Variants in IL17RD observed in about 807,000 individuals in gnomAD.
IL17RD encodes interleukin 17 receptor D.
Under a neutral mutation model 80.5 loss-of-function variants are expected in IL17RD, and 52 were observed. The ratio of observed to expected loss-of-function variants is 0.65; its 90% confidence interval spans 0.52 to 0.81. The LOEUF is 0.81. IL17RD is among the 40% of genes least tolerant of loss of function. The pLI, the probability that IL17RD is intolerant of heterozygous loss-of-function variation, is 0.00. For missense variants in IL17RD, 1,024 were observed against 955.1 expected (o/e 1.07, Z -0.95); for synonymous variants, 416 against 391.8 (o/e 1.06, Z -0.73).
At chr3:57,104,293 A>T in intron 8 of IL17RD, 49 bp downstream of exon 8, 1 of 1,270,350 alleles carries the variant, frequency 7.9e-7, no homozygotes, top group Non-Finnish European at 1.1e-6. Flanking sequence ...TTCTATATGA[A>T]CTGGGTTCAT....
At chr3:57,148,168 T>C (rs944550599) in intron 1 of IL17RD, among the ~76,000 whole-genome samples, 7 of 121,396 alleles carry the variant, frequency 5.8e-5, no homozygotes, top group Admixed American at 1.0e-4. Context: ...TCTCTACTAA[T>C]ACAAAAATTA....
In IL17RD at chr3:57,105,536, C is replaced by CAAAAAAAAAAAAAAAAA. The variant is rs745910085; in HGVS notation, c.747+304_747+320dup. On this transcript the variant is annotated intron_variant, in intron 7 of 12. Coordinates refer to ENST00000296318, the MANE Select transcript of IL17RD (RefSeq NM_017563.5). ...TGGGCAACAGAGCAAGACTCCATCT[C>CAAAAAAAAAAAAAAAAA]AAAAAAAAAAAAAAAAATATATATA... is the stretch of plus-strand genomic sequence containing the variant. 3.1e-4 allele frequency among the ~76,000 whole-genome samples: 11 copies of CAAAAAAAAAAAAAAAAA among 35,604 alleles called. 1 individual carries two copies. The highest frequency in any genetic ancestry group is 3.5e-4 in the Non-Finnish European group (6 of 16,930). The allele number at this position is 35,604 out of a possible 152,430, so 23.4% of individuals were successfully genotyped here.
intron 1 of IL17RD, chr3:57,150,385 T>C (rs761916519): frequency 6.6e-6 from 1 of 152,288 alleles, no homozygotes; most frequent in African/African-American, 2.4e-5. Context: ...GCTGGGGGCA[T>C]GGGCAGGGTA....
At chr3:57,163,809 T>TG (rs2060325212) in intron 1 of IL17RD, among the ~76,000 whole-genome samples, 1 of 10,936 alleles carries the variant, frequency 9.1e-5, no homozygotes, top group Non-Finnish European at 2.2e-4. Context: ...GGGAAGGGGG[T>TG]GGCGGGGGCG....
intron 1 of IL17RD, among the ~76,000 whole-genome samples, chr3:57,132,589 T>C (rs1707634831): frequency 6.6e-6 from 1 of 152,228 alleles, no homozygotes. Flanking sequence ...ATAGGCAGTA[T>C]TTGTTACAAC....
At chr3:57,160,308 A>G (rs2060295036) in intron 1 of IL17RD, among the ~76,000 whole-genome samples, 1 of 149,470 alleles carries the variant, frequency 6.7e-6, no homozygotes, top group Non-Finnish European at 1.5e-5. Context: ...AAAGCTTTAA[A>G]AAAGAAAAAA....
rs555771356 is a variant in IL17RD, at chr3:57,147,573, G to A, written c.126+17588C>T. Among the ~76,000 whole-genome samples the A allele has an allele frequency of 3.3e-5, 5 of 152,282 alleles. No homozygotes were observed. In the South Asian group the frequency reaches 8.3e-4, roughly 25 times the overall value. On this transcript the variant is annotated intron_variant, in intron 1 of 12. Transcript: ENST00000296318. The stretch of plus-strand genomic sequence containing the variant: ...TAAACCAAAACGGCAAGGGAGATGG[G>A]CAGGTAACCCATCTGTATGAAGATG...
intron 1 of IL17RD, among the ~76,000 whole-genome samples, chr3:57,160,398 G>T (rs76181146): frequency 0.11 from 17,072 of 152,148 alleles, 1,478 homozygotes; most frequent in East Asian, 0.36. Flanking sequence ...GAAGTTGTAA[G>T]ATTTGAACTG....
Position 57,158,248 on chromosome 3 carries a change from G to A in IL17RD, c.126+6913C>T, listed in dbSNP as rs752935612. On this transcript the variant is annotated intron_variant, in intron 1 of 12. Coordinates refer to ENST00000296318, the MANE Select transcript of IL17RD (RefSeq NM_017563.5). The stretch of plus-strand genomic sequence containing the variant: ...CTCATGATTAACGTCTATTAGATCA[G>A]GTATGGAATGAAGAAAGGTACAATA... Among the ~76,000 whole-genome samples, 101 of 152,246 alleles carry A rather than the reference G, an allele frequency of 6.6e-4. 1 individual carries two copies. Among genetic ancestry groups the A allele is most frequent in the South Asian group, 1.2e-3 (6 of 4,824 alleles).
chr3:57,130,901 G>A (rs34313207), intron 1 of IL17RD, among the ~76,000 whole-genome samples: 38,075 of 151,986 alleles, frequency 0.25, 6,028 homozygotes, highest in African/African-American at 0.42. Context: ...AACACTTAGC[G>A]CATCCTGCCC....
At chr3:57,134,703 G>T in intron 1 of IL17RD, 3 of 697,484 alleles carry the variant, frequency 4.3e-6, no homozygotes, top group South Asian at 2.8e-5. Flanking sequence ...TTTGTCTAAG[G>T]AGGAAGAGAC....
upstream of IL17RD, among the ~76,000 whole-genome samples, chr3:57,167,212 T>TA (rs1282511616): frequency 1.3e-5 from 2 of 152,100 alleles, no homozygotes; most frequent in Non-Finnish European, 1.5e-5. Context: ...TTTTTTTTTT[T>TA]ACCTCACTGC....
intron 1 of IL17RD, among the ~76,000 whole-genome samples, chr3:57,152,978 G>A (rs1051666434): frequency 6.6e-5 from 10 of 152,154 alleles, no homozygotes; most frequent in East Asian, 1.9e-4. Context: ...CTCATTCCCC[G>A]TCTCTGAGGG....
chr3:57,145,820 C>T (rs540614883), intron 1 of IL17RD, among the ~76,000 whole-genome samples: 17 of 152,182 alleles, frequency 1.1e-4, no homozygotes, highest in Non-Finnish European at 2.2e-4. Context: ...GGTCACCTGC[C>T]CTGTCCATAG....
rs898025016 is a variant in IL17RD at position 57,093,049 on chromosome 3, C to A, written c.*3344G>T. On this transcript the variant is annotated 3_prime_UTR_variant, in exon 13 of 13. Coordinates refer to ENST00000296318, the MANE Select transcript of IL17RD (RefSeq NM_017563.5). ...AAGATCAGGAAGTACTTCATGGCCA[C>A]AGTCGACTGGAAAATTACCCACTGT... 1 of 152,174 alleles carries A rather than the reference C, an allele frequency of 6.6e-6. No individual in the cohort carries two copies. Among genetic ancestry groups the A allele is most frequent in the African/African-American group, 2.4e-5 (1 of 41,442 alleles). The allele number at this position is 152,174 out of a possible 1,614,324, so 9.4% of individuals were successfully genotyped here. A position where few individuals can be genotyped will look rare whatever the true frequency, so the allele number is the denominator to read the frequency against.
At chr3:57,153,486 C>T (rs1223875578) in intron 1 of IL17RD, among the ~76,000 whole-genome samples, 1 of 152,180 alleles carries the variant, frequency 6.6e-6, no homozygotes, top group Non-Finnish European at 1.5e-5. Context: ...GGTAGAGGAA[C>T]TGTTCTGTAT....
At chr3:57,150,988 A>G (rs1708048004) in intron 1 of IL17RD, among the ~76,000 whole-genome samples, 1 of 152,264 alleles carries the variant, frequency 6.6e-6, no homozygotes, top group South Asian at 2.1e-4. Context: ...GGCCAACACA[A>G]GAAATGCTAT....
At chr3:57,162,285 C>A (rs1472377118) in intron 1 of IL17RD, among the ~76,000 whole-genome samples, 1 of 152,206 alleles carries the variant, frequency 6.6e-6, no homozygotes, top group Non-Finnish European at 1.5e-5. Context: ...TGGTGCTGCA[C>A]CTTGCTGCCC....
chr3:57,166,169 A>C (rs2060347353), upstream of IL17RD, among the ~76,000 whole-genome samples: 1 of 151,566 alleles, frequency 6.6e-6, no homozygotes, highest in Admixed American at 6.6e-5. Context: ...GTTTCACCGC[A>C]CTCTTCCCAG....
Sources: gnomAD v4.1 joint callset for allele counts (sites outside exome capture counted in the v4.1 genomes callset) on GRCh38, gnomAD v4.1.1 for gene constraint, MANE v1.5 for transcripts, NCBI Gene and HGNC (gene_info 2026-07-23, HGNC 2026-07-21) for gene names.